AKAP13: variants seen among roughly 807,000 people sequenced by gnomAD.
AKAP13 encodes the protein A-kinase anchor protein 13.
In AKAP13, 80 loss-of-function variants were observed where a neutral mutation model predicts 264.5. The observed-to-expected ratio is 0.30, with a 90% CI of 0.25 to 0.36. AKAP13 has a LOEUF of 0.36. AKAP13 is among the 10% of genes least tolerant of loss of function. The pLI is 1.00. For missense variants in AKAP13, 3,712 were observed against 3,435.2 expected, an observed-to-expected ratio of 1.08 and a Z score of -2.01; for synonymous variants, 1,380 against 1,250.2, an observed-to-expected ratio of 1.10 and a Z score of -2.19.
intron 5 of AKAP13, among the ~76,000 whole-genome samples, chr15:85,574,070 G>C (rs556407438): frequency 6.6e-6 from 1 of 152,196 alleles, no homozygotes; most frequent in Non-Finnish European, 1.5e-5. Flanking sequence ...TTTGTACCCA[G>C]AAATCTCTAA....
chr15:85,511,146 T>G (rs191624757), intron 2 of AKAP13, among the ~76,000 whole-genome samples: 2 of 152,382 alleles, frequency 1.3e-5, no homozygotes, highest in African/African-American at 4.8e-5. Context: ...TTCCTTTTAA[T>G]GCTGCAAGAC....
intron 23 of AKAP13, 106 bp from the exon 24 acceptor site, chr15:85,721,885 A>C (rs886459688): frequency 1.3e-6 from 2 of 1,517,516 alleles, no homozygotes; most frequent in East Asian, 2.3e-5. Context: ...GGGAGAATTT[A>C]TGAGGAAGCG....
At chr15:85,679,493 A>G (rs910788885) in intron 14 of AKAP13, among the ~76,000 whole-genome samples, 2 of 152,108 alleles carry the variant, frequency 1.3e-5, no homozygotes, top group East Asian at 1.9e-4. Context: ...AATTTAGGAA[A>G]CTCTGGGTTA....
chr15:85,454,310 G>A (rs1012523451), intron 1 of AKAP13, among the ~76,000 whole-genome samples: 11 of 152,164 alleles, frequency 7.2e-5, no homozygotes, highest in African/African-American at 2.7e-4. Context: ...TGCAGGCCCT[G>A]GTGGAGTGGG....
At chr15:85,473,407 A>G (rs1267595561) in intron 1 of AKAP13, among the ~76,000 whole-genome samples, 1 of 152,242 alleles carries the variant, frequency 6.6e-6, no homozygotes, top group Non-Finnish European at 1.5e-5. Context: ...ATTTGAGTGC[A>G]TACTCTGGAC....
intron 1 of AKAP13, among the ~76,000 whole-genome samples, chr15:85,481,242 G>T (rs1401647489): frequency 6.6e-6 from 1 of 152,184 alleles, no homozygotes; most frequent in East Asian, 1.9e-4. Flanking sequence ...CCAAACTTTT[G>T]CTATTGCTGA....
intron 12 of AKAP13, among the ~76,000 whole-genome samples, chr15:85,664,129 A>G (rs188841956): frequency 3.9e-5 from 6 of 152,348 alleles, no homozygotes; most frequent in Admixed American, 3.9e-4. Flanking sequence ...CATAAGGGCA[A>G]GTTACCCAGT....
chr15:85,400,889 A>G (rs2071392651), intron 1 of AKAP13, among the ~76,000 whole-genome samples: 1 of 147,166 alleles, frequency 6.8e-6, no homozygotes, highest in East Asian at 2.0e-4. Flanking sequence ...TTTTTTTTAA[A>G]CAGAGTATGT....
intron 1 of AKAP13, among the ~76,000 whole-genome samples, chr15:85,399,515 A>AT (rs1567038570): frequency 1.7e-4 from 21 of 120,144 alleles, no homozygotes; most frequent in South Asian, 4.7e-4. Flanking sequence ...AAAAAAAAAA[A>AT]AAAAAAATAA....
Position 85,727,386 on chromosome 15 carries a change from G to C in AKAP13, c.7010G>C (p.Arg2337Thr). The C allele has an allele frequency of 6.2e-7, 1 of 1,614,194 alleles. No individual in the cohort carries two copies. The highest frequency in any genetic ancestry group is 8.5e-7 in the Non-Finnish European group (1 of 1,180,024). The change falls in exon 29 of 37, where the codon AGA (arginine) becomes ACA (threonine). Residue 2337 changes from arginine to threonine, a missense_variant. By Grantham distance (71) the Arg-to-Thr change is moderately conservative (BLOSUM62 -1). Around this residue, in one of 3 missense-constraint regions of AKAP13, gnomAD observed 342 missense variants for 484.3 expected, o/e 0.71. Transcript: ENST00000394518. The surrounding 1 kb of genome is among the most constrained non-coding windows in gnomAD (Gnocchi z 5.3). Reference sequence around the variant, plus strand: ...TCTTGTTTGGGTTGTATTAGGAACAGAGATGAAGATGAAGGAATTCCTAGT... The same window carrying C: ...TCTTGTTTGGGTTGTATTAGGAACACAGATGAAGATGAAGGAATTCCTAGT... Reference protein sequence around the residue: ...IIQDTINTLNRDEDEGIPSEN... With the variant: ...IIQDTINTLNTDEDEGIPSEN...
intron 1 of AKAP13, among the ~76,000 whole-genome samples, chr15:85,386,986 C>T (rs1040829613): frequency 6.6e-6 from 1 of 152,110 alleles, no homozygotes; most frequent in Admixed American, 6.6e-5. Context: ...TTAGATTCAT[C>T]TTGCTGTTAT....
chr15:85,619,664 T>C, intron 8 of AKAP13: 1 of 988,696 alleles, frequency 1.0e-6, no homozygotes, highest in Non-Finnish European at 1.2e-6. Flanking sequence ...ACTGGATTTT[T>C]ATTGCCTTCT....
Position 85,729,072 on chromosome 15 carries a change from G to A in AKAP13, c.7088-1441G>A, listed in dbSNP as rs924269758. ...TCCCAGCACTTTGGGAGGCCACGGC[G>A]GGCGGATCACAAGGTCAGGAGTTCG... On this transcript the variant is annotated intron_variant, in intron 29 of 36. Transcript: ENST00000394518. Among the ~76,000 whole-genome samples, 3 of 152,014 alleles carry A rather than the reference G, an allele frequency of 2.0e-5. No homozygotes were observed. In the South Asian group the frequency reaches 6.2e-4, roughly 32 times the overall value.
chr15:85,644,693 C>CAAAAAAAAAAAA (rs1161365911), intron 9 of AKAP13, among the ~76,000 whole-genome samples: 49 of 103,860 alleles, frequency 4.7e-4, no homozygotes, highest in African/African-American at 7.3e-4. Flanking sequence ...ACTAAAAATA[C>CAAAAAAAAAAAA]AAAAAAAAAA....
intron 1 of AKAP13, among the ~76,000 whole-genome samples, chr15:85,405,948 A>G (rs1389869566): frequency 6.6e-6 from 1 of 152,140 alleles, no homozygotes; most frequent in African/African-American, 2.4e-5. Context: ...CCTGGGCTCA[A>G]GCAGACCTGC....
Position 85,708,071 on chromosome 15 carries a change from A to C in AKAP13, c.5517A>C (p.Ala1839=). The C allele has an allele frequency of 3.1e-6, 5 of 1,613,856 alleles. No homozygotes were observed. Among genetic ancestry groups the C allele is most frequent in the Non-Finnish European group, 4.2e-6 (5 of 1,179,810 alleles). ...GCCGAGAAAGTCTAGCCTCCTGTGC[A>C]AAGGTCAAAATGAAGGTAAGACTTT... The part of the protein sequence containing the change: ...KGCRESLASC[A]KVKMKQPKGS... The change falls in exon 18 of 37, where the codon GCA becomes GCC. Residue 1839 remains alanine, a synonymous_variant. Coordinates refer to ENST00000394518, the MANE Select transcript of AKAP13 (RefSeq NM_007200.5). This position sits in a 1 kb window ranked among gnomAD's most constrained non-coding sequence, Gnocchi z 4.3.
intron 8 of AKAP13, among the ~76,000 whole-genome samples, chr15:85,602,692 G>A (rs1296729846): frequency 1.3e-5 from 2 of 151,986 alleles, no homozygotes; most frequent in Non-Finnish European, 2.9e-5. Context: ...ATTTCACCAT[G>A]TTGGCCAGCC....
chr15:85,672,714 C>T (rs1345744942), intron 14 of AKAP13, among the ~76,000 whole-genome samples: 116 of 152,180 alleles, frequency 7.6e-4, no homozygotes, highest in Non-Finnish European at 2.9e-5. Flanking sequence ...ATCAATTCAA[C>T]TGTTAAATGG....
At chr15:85,414,167 C>A (rs1353640003) in intron 1 of AKAP13, among the ~76,000 whole-genome samples, 1 of 152,002 alleles carries the variant, frequency 6.6e-6, no homozygotes, top group Non-Finnish European at 1.5e-5. Flanking sequence ...TCCTTTTTTT[C>A]AGCACTATTG....
Sources: allele counts gnomAD v4.1 joint callset (sites outside exome capture counted in the v4.1 genomes callset), GRCh38; gene constraint gnomAD v4.1.1; regional missense constraint gnomAD v4.1.1; non-coding constraint Gnocchi (gnomAD v3.1); transcripts MANE v1.5; gene names NCBI Gene and HGNC (gene_info 2026-07-23, HGNC 2026-07-21).